TSHZ2: variants seen among roughly 807,000 people sequenced by gnomAD.
TSHZ2 encodes teashirt zinc finger homeobox 2.
A neutral mutation model predicts 74.4 loss-of-function variants in TSHZ2; 21 were observed. The ratio of observed to expected loss-of-function variants is 0.28; its 90% CI spans 0.20 to 0.41. The LOEUF is 0.41. Ranked by LOEUF, TSHZ2 falls within the 10% of genes least tolerant of loss-of-function variation. TSHZ2 has a pLI of 1.00. For missense variants in TSHZ2, 1,244 were observed against 1,293.5 expected, an observed-to-expected ratio of 0.96 and a Z score of 0.59; for synonymous variants, 540 against 515.3, an observed-to-expected ratio of 1.05 and a Z score of -0.65.
At chr20:53,317,871 T>A (rs1979087320) in intron 2 of TSHZ2, among the ~76,000 whole-genome samples, 1 of 152,184 alleles carries the variant, frequency 6.6e-6, no homozygotes, top group Admixed American at 6.5e-5. Context: ...TTCTGCAGGG[T>A]GGAGTCCCTA....
chr20:53,483,629 T>C (rs1352766071), intron 2 of TSHZ2, among the ~76,000 whole-genome samples: 2 of 152,200 alleles, frequency 1.3e-5, no homozygotes, highest in African/African-American at 2.4e-5. Context: ...TTTGTGAATC[T>C]TAAATAGGGA....
intron 1 of TSHZ2, among the ~76,000 whole-genome samples, chr20:53,216,038 G>A (rs959751820): frequency 1.3e-5 from 2 of 151,930 alleles, no homozygotes; most frequent in African/African-American, 4.8e-5. Flanking sequence ...TCTTCATTTT[G>A]GCCAAGACCT....
chr20:53,045,922 T>C (rs774371437), intron 1 of TSHZ2, among the ~76,000 whole-genome samples: 6 of 152,190 alleles, frequency 3.9e-5, no homozygotes, highest in African/African-American at 9.7e-5. Context: ...GTAAGTGCTG[T>C]TGATGGACAG....
chr20:52,985,323 G>C (rs1275169021), intron 1 of TSHZ2, among the ~76,000 whole-genome samples: 3 of 152,104 alleles, frequency 2.0e-5, no homozygotes, highest in Non-Finnish European at 4.4e-5. Context: ...TTTTTTATGA[G>C]GATTAATTGA....
intron 2 of TSHZ2, among the ~76,000 whole-genome samples, chr20:53,293,330 G>A (rs1203745243): frequency 6.6e-6 from 1 of 152,112 alleles, no homozygotes; most frequent in Non-Finnish European, 1.5e-5. Context: ...AGGCCTGGTG[G>A]TGCAGGCCTG....
At chr20:52,981,873 C>A (rs1348230330) in intron 1 of TSHZ2, among the ~76,000 whole-genome samples, 12 of 152,196 alleles carry the variant, frequency 7.9e-5, no homozygotes, top group Admixed American at 2.6e-4. Context: ...GCAGTTATTT[C>A]TTGAGTTCCT....
intron 2 of TSHZ2, among the ~76,000 whole-genome samples, chr20:53,363,170 G>A (rs970109965): frequency 3.9e-5 from 6 of 152,236 alleles, no homozygotes; most frequent in African/African-American, 1.4e-4. Context: ...GCTGCCCATG[G>A]TGGGCCCTGC....
At chr20:53,347,563 T>C (rs747352597) in intron 2 of TSHZ2, among the ~76,000 whole-genome samples, 1 of 152,210 alleles carries the variant, frequency 6.6e-6, no homozygotes, top group Non-Finnish European at 1.5e-5. Context: ...TAAATATTGA[T>C]TTATTTATTG....
Position 53,120,201 on chromosome 20 carries a change from A to G in TSHZ2, c.41-133298A>G, listed in dbSNP as rs576315634. ...GCATGAATATGAATCCGTGGATTCC[A>G]AAGTGAAAAGGCAAAGAAATATAAA... On this transcript the variant is annotated intron_variant, in intron 1 of 2. Coordinates refer to ENST00000371497, the MANE Select transcript of TSHZ2 (RefSeq NM_173485.6). Among the ~76,000 whole-genome samples the G allele has an allele frequency of 5.3e-5, 8 of 152,314 alleles. No individual in the cohort carries two copies. In the East Asian group the frequency reaches 1.2e-3, roughly 22 times the overall value.
intron 2 of TSHZ2, among the ~76,000 whole-genome samples, chr20:53,452,419 G>A (rs575793991): frequency 6.6e-5 from 10 of 152,262 alleles, no homozygotes; most frequent in Admixed American, 2.0e-4. Context: ...GGCCAACGTG[G>A]TGAAACCCCA....
At chr20:53,321,815 ATTG>A (rs1458149448) in intron 2 of TSHZ2, among the ~76,000 whole-genome samples, 1 of 152,084 alleles carries the variant, frequency 6.6e-6, no homozygotes, top group Non-Finnish European at 1.5e-5. Flanking sequence ...CCTCTGGGGA[ATTG>A]TTGTCATGGA....
Position 53,176,635 on chromosome 20 carries a change from C to G in TSHZ2, c.41-76864C>G, listed in dbSNP as rs370128555. Among the ~76,000 whole-genome samples the G allele has an allele frequency of 3.9e-5, 6 of 151,948 alleles. No homozygotes were observed. The East Asian group carries it at 7.7e-4, about 20-fold the overall frequency. On this transcript the variant is annotated intron_variant, in intron 1 of 2. Coordinates refer to ENST00000371497, the MANE Select transcript of TSHZ2 (RefSeq NM_173485.6). ...AACAGGATATTAGTGATTTAATCAACATTGTTATCTCTAAATTATATTTTT... is the reference window on the plus strand; with the variant it reads ...AACAGGATATTAGTGATTTAATCAAGATTGTTATCTCTAAATTATATTTTT...
At chr20:53,465,223 A>G (rs1056476121) in intron 2 of TSHZ2, among the ~76,000 whole-genome samples, 5 of 152,190 alleles carry the variant, frequency 3.3e-5, no homozygotes, top group African/African-American at 9.6e-5. Flanking sequence ...AAAAATTGGT[A>G]ATTATTGATA....
intron 1 of TSHZ2, among the ~76,000 whole-genome samples, chr20:53,192,292 T>TAAAAAAAA (rs58001328): frequency 7.3e-6 from 1 of 136,996 alleles, no homozygotes. Flanking sequence ...CTTCTCTGGC[T>TAAAAAAAA]AAAAAAAAAA....
intron 1 of TSHZ2, among the ~76,000 whole-genome samples, chr20:53,138,244 C>A (rs6126762): frequency 0.095 from 14,461 of 151,942 alleles, 759 homozygotes; most frequent in East Asian, 0.17. Flanking sequence ...ATTAGCTGGG[C>A]GTGGTGGTGG....
chr20:53,254,694 C>G lies in TSHZ2; in HGVS notation c.1236C>G (p.Ala412=). 1.2e-6 allele frequency: 2 copies of G among 1,614,190 alleles called. No homozygotes were observed. Among genetic ancestry groups the G allele is most frequent in the Non-Finnish European group, 1.7e-6 (2 of 1,180,042 alleles). Reference sequence around the variant, plus strand: ...ACTTTCTCAAGGTCACCAGCTCTGCCTCCAAGAAAGGGAAGCAGCTGGTAT... The same window carrying G: ...ACTTTCTCAAGGTCACCAGCTCTGCGTCCAAGAAAGGGAAGCAGCTGGTAT... ...TGHFLKVTSS[A]SKKGKQLVLD... Residue 412 remains alanine, a synonymous_variant, in exon 2 of 3, where the codon GCC becomes GCG. Transcript: ENST00000371497.
chr20:53,282,023 G>A (rs150712776), intron 2 of TSHZ2, among the ~76,000 whole-genome samples: 101 of 152,316 alleles, frequency 6.6e-4, no homozygotes, highest in Admixed American at 1.3e-3. Flanking sequence ...GAAGCCAGAC[G>A]TGGGCACAAG....
chr20:53,401,782 T>C (rs1488018981), intron 2 of TSHZ2, among the ~76,000 whole-genome samples: 2 of 144,460 alleles, frequency 1.4e-5, no homozygotes, highest in East Asian at 2.0e-4. Flanking sequence ...TTCTTTTTTT[T>C]TTTTTTTTTT....
intron 2 of TSHZ2, among the ~76,000 whole-genome samples, chr20:53,405,630 A>T (rs75734288): frequency 6.6e-4 from 101 of 152,282 alleles, no homozygotes; most frequent in African/African-American, 2.3e-3. Context: ...AAACTAGTAA[A>T]CAGAAGAATA....
Sources: allele counts gnomAD v4.1 joint callset (sites outside exome capture counted in the v4.1 genomes callset), GRCh38; gene constraint gnomAD v4.1.1; transcripts MANE v1.5; gene names NCBI Gene and HGNC (gene_info 2026-07-23, HGNC 2026-07-21).